PCLO: variants seen among roughly 807,000 people sequenced by gnomAD.
PCLO encodes piccolo presynaptic cytomatrix protein.
Under a neutral mutation model 427.5 loss-of-function variants are expected in PCLO, and 82 were observed. The ratio of observed to expected loss-of-function variants is 0.19; its 90% CI spans 0.16 to 0.23. The LOEUF (loss-of-function observed/expected upper bound fraction) is 0.23, where lower values mean the gene tolerates loss of function less well. PCLO is among the 10% of genes least tolerant of loss of function. PCLO has a pLI of 1.00. For missense variants in PCLO, 6,239 were observed against 6,115.9 expected, an observed-to-expected ratio of 1.02 and a Z score of -0.67; for synonymous variants, 2,357 against 2,155.4, an observed-to-expected ratio of 1.09 and a Z score of -2.59.
intron 7 of PCLO, among the ~76,000 whole-genome samples, chr7:82,912,907 C>T (rs895145355): frequency 6.6e-6 from 1 of 151,976 alleles, no homozygotes; most frequent in Non-Finnish European, 1.5e-5. Flanking sequence ...TAAGGCATTT[C>T]GTTATGCCAT....
chr7:82,939,925 T>C (rs573999759), intron 6 of PCLO, among the ~76,000 whole-genome samples: 6 of 150,576 alleles, frequency 4.0e-5, no homozygotes, highest in African/African-American at 1.4e-4. Context: ...TATTCACTTT[T>C]GGTTAAAAGA....
intron 22 of PCLO, among the ~76,000 whole-genome samples, chr7:82,795,498 A>C (rs1791205743): frequency 6.6e-6 from 1 of 152,174 alleles, no homozygotes; most frequent in African/African-American, 2.4e-5. Flanking sequence ...TTATGAATTT[A>C]AAATGTTTTT....
intron 16 of PCLO, among the ~76,000 whole-genome samples, chr7:82,832,110 A>G (rs1263027141): frequency 6.6e-6 from 1 of 152,076 alleles, no homozygotes; most frequent in Non-Finnish European, 1.5e-5. Flanking sequence ...ATTTAACATT[A>G]GGACAATTAG....
Position 82,758,684 on chromosome 7 carries a change from A to G in PCLO, c.15320T>C (p.Met5107Thr). 1.2e-6 allele frequency: 2 copies of G among 1,606,142 alleles called. No individual in the cohort carries two copies. Among genetic ancestry groups the G allele is most frequent in the Non-Finnish European group, 1.7e-6 (2 of 1,174,034 alleles). ...GGCTTCACCAATCAAGGTCTTTTTC[A>G]TAAACTTCCCTCCATTGGAGAAAAG... ...ILLFSNGGKF[M>T]KKTLIGEACI... Residue 5107 changes from methionine to threonine, a missense_variant, in exon 25 of 25, where the codon ATG (methionine) becomes ACG (threonine). Physicochemically the swap from Met to Thr is moderately conservative, Grantham distance 81. Around this residue, in one of 5 missense-constraint regions of PCLO, gnomAD observed 877 missense variants for 925.5 expected, o/e 0.95. Coordinates refer to ENST00000333891, the MANE Select transcript of PCLO (RefSeq NM_033026.6).
intron 16 of PCLO, among the ~76,000 whole-genome samples, chr7:82,830,013 G>A (rs894274072): frequency 1.3e-5 from 2 of 151,572 alleles, no homozygotes; most frequent in African/African-American, 2.4e-5. Flanking sequence ...GTGAAATAAG[G>A]TTACACATTA....
chr7:83,157,067 A>T (rs1217606109), intron 1 of PCLO, among the ~76,000 whole-genome samples: 1 of 152,188 alleles, frequency 6.6e-6, no homozygotes, highest in African/African-American at 2.4e-5. Flanking sequence ...CTAGTGATCC[A>T]GGTCACTAGC....
At chr7:83,009,006 C>T (rs1359008961) in intron 3 of PCLO, among the ~76,000 whole-genome samples, 1 of 151,620 alleles carries the variant, frequency 6.6e-6, no homozygotes, top group East Asian at 1.9e-4. Context: ...AAGTTAATCT[C>T]TCCAGCAATT....
chr7:82,877,825 C>T (rs1793410415), intron 10 of PCLO, among the ~76,000 whole-genome samples: 1 of 152,090 alleles, frequency 6.6e-6, no homozygotes, highest in Non-Finnish European at 1.5e-5. Context: ...GCCACCACAT[C>T]CGGGTAATTT....
chr7:83,113,425 A>C (rs1791055313), intron 3 of PCLO, among the ~76,000 whole-genome samples: 1 of 152,156 alleles, frequency 6.6e-6, no homozygotes, highest in African/African-American at 2.4e-5. Flanking sequence ...CTGATTTTAT[A>C]ATGAGAATTT....
At chr7:82,838,367 A>T (rs1187777873) in intron 14 of PCLO, 25 bp from the exon 15 acceptor site, 1 of 1,350,262 alleles carries the variant, frequency 7.4e-7, no homozygotes, top group Non-Finnish European at 1.0e-6. Context: ...AAAATATTCC[A>T]TAAGTTTTTA....
chr7:82,960,825 T>A (rs938659074), intron 4 of PCLO, among the ~76,000 whole-genome samples: 2 of 151,638 alleles, frequency 1.3e-5, no homozygotes, highest in Non-Finnish European at 2.9e-5. Context: ...ATAAATAGAG[T>A]AAAATATTAT....
In PCLO at chr7:82,956,011, T is replaced by A. The variant is rs772549898; in HGVS notation, c.4942A>T (p.Thr1648Ser). ...DESPELKYRE[T>S]KSQESEELVV... ...AGTTCTTCACTTTCCTGACTTTTAGTTTCTCTGTATTTAAGTTCAGGACTT... is the reference window on the plus strand; with the variant it reads ...AGTTCTTCACTTTCCTGACTTTTAGATTCTCTGTATTTAAGTTCAGGACTT... The change falls in exon 5 of 25, where the codon ACT becomes TCT. Residue 1648 changes from threonine (T) to serine (S), a missense_variant. Transcript: ENST00000333891. The A allele has an allele frequency of 3.1e-6, 5 of 1,613,186 alleles. No individual in the cohort carries two copies. The African/African-American group carries it at 6.7e-5, about 22-fold the overall frequency.
At chr7:82,860,437 C>T (rs142808496) in intron 10 of PCLO, among the ~76,000 whole-genome samples, 31 of 151,882 alleles carry the variant, frequency 2.0e-4, no homozygotes, top group African/African-American at 6.3e-4. Flanking sequence ...AAATCTTTTA[C>T]GTTAGAATAG....
At chr7:82,871,507 T>A (rs1017540706) in intron 10 of PCLO, among the ~76,000 whole-genome samples, 1 of 151,744 alleles carries the variant, frequency 6.6e-6, no homozygotes, top group South Asian at 2.1e-4. Flanking sequence ...AAATGTACAG[T>A]TAGATAGGAA....
intron 6 of PCLO, among the ~76,000 whole-genome samples, chr7:82,918,812 C>T (rs1442377945): frequency 6.6e-6 from 1 of 151,774 alleles, no homozygotes; most frequent in African/African-American, 2.4e-5. Flanking sequence ...ACCGTGATGC[C>T]TAACAAAGAT....
In PCLO at chr7:82,966,336, G is replaced by A. The variant is rs377695922; in HGVS notation, c.3452C>T (p.Pro1151Leu). The A allele has an allele frequency of 5.9e-5, 95 of 1,613,798 alleles. No homozygotes were observed. In the East Asian group the frequency reaches 2.1e-3, roughly 35 times the overall value. ...CTTTTTCACTAATTTTACTTGGGGA[G>A]GCACTGCTGTTTTCTGAGATGATGA... ...TESSSQKTAV[P>L]PQVKLVKKQE... Residue 1151 changes from proline to leucine, a missense_variant, in exon 4 of 25, where the codon CCT becomes CTT. By Grantham distance (98) the Pro-to-Leu change is moderately conservative. Around this residue, in one of 5 missense-constraint regions of PCLO, gnomAD observed 4,677 missense variants for 4,468.4 expected, o/e 1.05. Transcript: ENST00000333891.
rs1794466829 is a variant in PCLO, at chr7:82,916,459, T to C, written c.11527A>G (p.Arg3843Gly). Residue 3843 changes from arginine to glycine, a missense_variant, in exon 7 of 25, where the codon AGA becomes GGA. This residue lies in a region of PCLO where 680 missense variants were observed against 677.3 expected (regional missense o/e 1.00). Coordinates refer to ENST00000333891, the MANE Select transcript of PCLO (RefSeq NM_033026.6). The part of the protein sequence containing the change: ...YMSDSEVSST[R>G]PTRIESQHGI... ...TGCTGACTTTCTATTCGGGTTGGTC[T>C]TGTGCTACTCACTTCACTGTCAGAC... 1 of 1,613,672 alleles carries C rather than the reference T, an allele frequency of 6.2e-7. No homozygotes were observed.
Position 83,162,352 on chromosome 7 carries a change from T to C in PCLO, c.241A>G (p.Met81Val), listed in dbSNP as rs1792461935. 2 of 1,599,494 alleles carry C rather than the reference T, an allele frequency of 1.3e-6. No individual in the cohort carries two copies. The highest frequency in any genetic ancestry group is 1.3e-5 in the African/African-American group (1 of 74,780). ...VPPAAAESPS[M>V]HRKQELDSSH... ...ACATCATGCTGTGCATGCCTGTGCA[T>C]GGAAGGCGACTCCGCAGCGGCCGGG... The change falls in exon 1 of 25, where the codon ATG (methionine) becomes GTG (valine). Residue 81 changes from methionine to valine, a missense_variant. This residue lies in a region of PCLO where 4,677 missense variants were observed against 4,468.4 expected (regional missense o/e 1.05). Transcript: ENST00000333891.
chr7:82,848,910 A>T (rs1184023470), intron 10 of PCLO: 3 of 420,554 alleles, frequency 7.1e-6, no homozygotes, highest in Non-Finnish European at 1.4e-5. Context: ...GGTTTATTTC[A>T]ACAATCCCAG....
Sources: allele counts gnomAD v4.1 joint callset (sites outside exome capture counted in the v4.1 genomes callset), GRCh38; gene constraint gnomAD v4.1.1; regional missense constraint gnomAD v4.1.1; transcripts MANE v1.5; gene names NCBI Gene and HGNC (gene_info 2026-07-23, HGNC 2026-07-21).